The following DEPDC1B variants were observed in gnomAD, a reference collection of about 807,000 sequenced individuals.
DEPDC1B encodes the protein DEP domain-containing protein 1B.
In DEPDC1B, 51 loss-of-function variants were observed where a neutral mutation model predicts 66.5. The ratio of observed to expected loss-of-function variants is 0.77; its 90% confidence interval spans 0.61 to 0.97. The LOEUF (loss-of-function observed/expected upper bound fraction) is 0.97, where lower values mean the gene tolerates loss of function less well. DEPDC1B is among the 50% of genes least tolerant of loss of function. DEPDC1B has a pLI of 0.00. For synonymous variants in DEPDC1B, 226 were observed against 223.6 expected (o/e 1.01, Z -0.10); for missense variants, 552 against 637.1 (o/e 0.87, Z 1.44).
chr5:60,699,257 T>C (rs1754721519), intron 1 of DEPDC1B, among the ~76,000 whole-genome samples: 1 of 152,012 alleles, frequency 6.6e-6, no homozygotes, highest in Admixed American at 6.5e-5. Flanking sequence ...ATGAGAGTAA[T>C]TCCCATGTTA....
Position 60,645,478 on chromosome 5 carries a change from T to G in DEPDC1B, c.578+14A>C. On this transcript the variant is annotated intron_variant, in intron 4 of 10. Coordinates refer to ENST00000265036, the MANE Select transcript of DEPDC1B (RefSeq NM_018369.3). Reference sequence around the variant, plus strand: ...ATATCTCTAAAATTTCTCATTAATATCAAATGTACATACTATGATAATGTC... The same window carrying G: ...ATATCTCTAAAATTTCTCATTAATAGCAAATGTACATACTATGATAATGTC... The G allele has an allele frequency of 6.4e-7, 1 of 1,572,918 alleles. No homozygotes were observed. Among genetic ancestry groups the G allele is most frequent in the South Asian group, 1.2e-5 (1 of 83,952 alleles).
intron 7 of DEPDC1B, among the ~76,000 whole-genome samples, chr5:60,617,222 G>A (rs1470491722): frequency 6.6e-6 from 1 of 152,164 alleles, no homozygotes; most frequent in African/African-American, 2.4e-5. Flanking sequence ...GGAAGAAACT[G>A]CATCAACTAA....
At position 60,686,998 on chromosome 5, in the gene DEPDC1B, C is replaced by G; in HGVS notation, c.278G>C (p.Gly93Ala). ...HVIEDIKGKW[G>A]EEDFEDNRHL... ...ACGATTGTCTTCAAAATCTTCCTCA[C>G]CCCATTTTCCCTTGATGTCTTCAAT... Residue 93 changes from glycine (G) to alanine (A), a missense_variant, in exon 2 of 11, where the codon GGT becomes GCT. Transcript: ENST00000265036. The G allele has an allele frequency of 6.2e-7, 1 of 1,614,226 alleles. No individual in the cohort carries two copies. Among genetic ancestry groups the G allele is most frequent in the Non-Finnish European group, 8.5e-7 (1 of 1,180,040 alleles).
rs1200775950 is a variant in DEPDC1B, at chr5:60,647,541, C to T, written c.315-8G>A. On this transcript the variant is annotated splice_polypyrimidine_tract_variant and splice_region_variant and intron_variant, in intron 2 of 10. Transcript: ENST00000265036. Reference sequence around the variant, plus strand: ...GGTGAAGAAGGAGGAAATCTAAAACCCAAGAAGAAATTCTCTATTACTGCA... The same window carrying T: ...GGTGAAGAAGGAGGAAATCTAAAACTCAAGAAGAAATTCTCTATTACTGCA... The T allele has an allele frequency of 1.2e-6, 2 of 1,609,086 alleles. No homozygotes were observed. The highest frequency in any genetic ancestry group is 4.5e-5 in the East Asian group (2 of 44,480).
At chr5:60,670,183 G>A (rs1319198339) in intron 2 of DEPDC1B, among the ~76,000 whole-genome samples, 1 of 152,160 alleles carries the variant, frequency 6.6e-6, no homozygotes, top group East Asian at 1.9e-4. Flanking sequence ...AGGAGATCAA[G>A]ACCATCTTGG....
At position 60,668,256 on chromosome 5, in the gene DEPDC1B, A is replaced by ATT. The variant is rs1350063652; in HGVS notation, c.314+18704_314+18705dup. On this transcript the variant is annotated intron_variant, in intron 2 of 10. Transcript: ENST00000265036. The stretch of plus-strand genomic sequence containing the variant: ...TTTTATATATATATATAAAATGGAT[A>ATT]TTATATATATATATATATATATGTA... Among the ~76,000 whole-genome samples, 37 of 99,172 alleles carry ATT rather than the reference A, an allele frequency of 3.7e-4. 7 individuals are homozygous for ATT. In the East Asian group the frequency reaches 4.6e-3, roughly 12 times the overall value. 65.1% of individuals were successfully genotyped at this position (99,172 alleles called of 152,430 possible). A position where few individuals can be genotyped will look rare whatever the true frequency, so the allele number is the denominator to read the frequency against.
intron 7 of DEPDC1B, among the ~76,000 whole-genome samples, chr5:60,626,015 A>G (rs548240905): frequency 6.6e-6 from 1 of 152,166 alleles, no homozygotes; most frequent in South Asian, 2.1e-4. Context: ...TTATGGGAAT[A>G]TCTTTTTTAA....
At chr5:60,632,357 G>A (rs1227158470) in intron 7 of DEPDC1B, among the ~76,000 whole-genome samples, 2 of 152,188 alleles carry the variant, frequency 1.3e-5, no homozygotes, top group African/African-American at 2.4e-5. Context: ...CCACAGGCAC[G>A]CTGGGGAAAG....
chr5:60,669,829 A>T (rs936588275), intron 2 of DEPDC1B, among the ~76,000 whole-genome samples: 2 of 152,182 alleles, frequency 1.3e-5, no homozygotes, highest in African/African-American at 4.8e-5. Context: ...AGACACTCCT[A>T]CCTTAAATTA....
At chr5:60,687,808 G>C (rs140950438) in intron 1 of DEPDC1B, 9,531 of 213,754 alleles carry the variant, frequency 0.045, 290 homozygotes, top group Non-Finnish European at 0.066. Flanking sequence ...TTACAGGAGT[G>C]AGCCACTGCA....
chr5:60,668,031 G>C (rs1162430890), intron 2 of DEPDC1B, among the ~76,000 whole-genome samples: 2 of 94,096 alleles, frequency 2.1e-5, no homozygotes, highest in Admixed American at 1.1e-4. Flanking sequence ...ATATAAAATG[G>C]ATATTTTATA....
intron 7 of DEPDC1B, among the ~76,000 whole-genome samples, chr5:60,610,707 G>A (rs941546927): frequency 2.0e-5 from 3 of 152,180 alleles, no homozygotes; most frequent in Admixed American, 6.5e-5. Flanking sequence ...AATTCACCAT[G>A]TGTAATTCAG....
In DEPDC1B at chr5:60,636,616, A is replaced by G. The variant is rs190063489; in HGVS notation, c.898+2134T>C. Among the ~76,000 whole-genome samples, 451 of 152,262 alleles carry G rather than the reference A, an allele frequency of 3.0e-3. 1 individual carries two copies. Among genetic ancestry groups the G allele is most frequent in the African/African-American group, 0.01 (433 of 41,564 alleles). ...TTTACCTTTTCCCACAGAATCTAAC[A>G]GGATTGCTATGTTAGATACTTTGTT... On this transcript the variant is annotated intron_variant, in intron 7 of 10. Coordinates refer to ENST00000265036, the MANE Select transcript of DEPDC1B (RefSeq NM_018369.3).
At chr5:60,622,943 CTT>C (rs1220258340) in intron 7 of DEPDC1B, among the ~76,000 whole-genome samples, 1 of 151,942 alleles carries the variant, frequency 6.6e-6, no homozygotes, top group Non-Finnish European at 1.5e-5. Context: ...ATTTTCTTGT[CTT>C]TTCATTTTCT....
intron 1 of DEPDC1B, among the ~76,000 whole-genome samples, chr5:60,697,808 T>C (rs1343523945): frequency 2.0e-5 from 3 of 152,198 alleles, no homozygotes; most frequent in African/African-American, 7.2e-5. Context: ...TCTTCTTAAC[T>C]TAATCAACCT....
intron 5 of DEPDC1B, among the ~76,000 whole-genome samples, chr5:60,644,154 T>C (rs1161105623): frequency 6.6e-6 from 1 of 152,220 alleles, no homozygotes; most frequent in Non-Finnish European, 1.5e-5. Context: ...GTGGGGACTG[T>C]GGTCCACTAT....
At chr5:60,673,486 A>C (rs550964484) in intron 2 of DEPDC1B, among the ~76,000 whole-genome samples, 5 of 152,298 alleles carry the variant, frequency 3.3e-5, no homozygotes, top group African/African-American at 9.6e-5. Context: ...TGAGCTAAGA[A>C]GCCGGAAAAG....
In DEPDC1B at chr5:60,687,190, G is replaced by A. The variant is rs199800173; in HGVS notation, c.86C>T (p.Pro29Leu). The change falls in exon 2 of 11, where the codon CCG becomes CTG. Residue 29 changes from proline to leucine, a missense_variant. Transcript: ENST00000265036. Reference protein sequence around the residue: ...ETVELFRAKMPLRKHRCRFKS... With the variant: ...ETVELFRAKMLLRKHRCRFKS... ...GAAACGACAGCGATGTTTCCGTAACGGCATCTTAGCACGAAAAAGCTCCAC... is the reference window on the plus strand; with the variant it reads ...GAAACGACAGCGATGTTTCCGTAACAGCATCTTAGCACGAAAAAGCTCCAC... 36 of 1,613,272 alleles carry A rather than the reference G, an allele frequency of 2.2e-5. No homozygotes were observed. The highest frequency in any genetic ancestry group is 1.2e-4 in the Admixed American group (7 of 60,016).
intron 7 of DEPDC1B, among the ~76,000 whole-genome samples, chr5:60,614,614 T>G (rs1752499102): frequency 6.6e-6 from 1 of 152,270 alleles, no homozygotes; most frequent in African/African-American, 2.4e-5. Flanking sequence ...AATATGTTTA[T>G]TAAATAATGT....
Sources: allele counts gnomAD v4.1 joint callset (sites outside exome capture counted in the v4.1 genomes callset), GRCh38; gene constraint gnomAD v4.1.1; transcripts MANE v1.5; gene names NCBI Gene and HGNC (gene_info 2026-07-23, HGNC 2026-07-21).